The following PPP2R5C variants were observed in gnomAD, a reference collection of about 807,000 sequenced individuals.
PPP2R5C encodes protein phosphatase 2 regulatory subunit B'gamma.
In PPP2R5C, 7 loss-of-function variants were observed where a neutral mutation model predicts 68.9. That is an observed-to-expected ratio of 0.10 (90% CI 0.06 to 0.19). The LOEUF is 0.19. PPP2R5C is among the 10% of genes least tolerant of loss of function. The pLI is 1.00. For synonymous variants in PPP2R5C, 210 were observed against 222.2 expected (o/e 0.95, Z 0.49); for missense variants, 348 against 641.3 (o/e 0.54, Z 4.94).
upstream of PPP2R5C, chr14:101,760,764 A>G (rs546389044): frequency 2.0e-5 from 1 of 50,846 alleles, no homozygotes; most frequent in Non-Finnish European, 2.4e-5. Context: ...GGGCTGGTCG[A>G]GGGGAGGGGC....
rs1426146907 is a variant in PPP2R5C at position 101,888,847 on chromosome 14, C to T, written c.630-1390C>T. On this transcript the variant is annotated intron_variant, in intron 5 of 13. Coordinates refer to ENST00000334743, the Ensembl canonical transcript of PPP2R5C. The surrounding 1 kb of genome is among the most constrained non-coding windows in gnomAD (Gnocchi z 5.6). ...CCTCAGGTGATCCACCTGCTTCAGC[C>T]TCCCAAAGTGCTGGGATTACAGGCA... Among the ~76,000 whole-genome samples the T allele has an allele frequency of 1.3e-5, 2 of 152,198 alleles. No homozygotes were observed. Among genetic ancestry groups the T allele is most frequent in the Admixed American group, 1.3e-4 (2 of 15,282 alleles).
At chr14:101,912,581 G>T in intron 12 of PPP2R5C, 108 bp downstream of exon 14, 1 of 1,384,826 alleles carries the variant, frequency 7.2e-7, no homozygotes, top group South Asian at 2.0e-5. Flanking sequence ...CACTAACGTT[G>T]TATATGAAAA....
rs1278967273 is a variant in PPP2R5C at position 101,899,141 on chromosome 14, G to A, written c.853-2578G>A. Reference sequence around the variant, plus strand: ...TGTACAGTGCTCAAAAGCTTTCTGGGCACATGAAACACTTTCTCTGTTGGA... The same window carrying A: ...TGTACAGTGCTCAAAAGCTTTCTGGACACATGAAACACTTTCTCTGTTGGA... On this transcript the variant is annotated intron_variant, in intron 8 of 13. Coordinates refer to ENST00000334743, the Ensembl canonical transcript of PPP2R5C. The surrounding 1 kb of genome is among the most constrained non-coding windows in gnomAD (Gnocchi z 4.2). Among the ~76,000 whole-genome samples the A allele has an allele frequency of 6.6e-6, 1 of 152,202 alleles. No individual in the cohort carries two copies. Among genetic ancestry groups the A allele is most frequent in the Non-Finnish European group, 1.5e-5 (1 of 68,040 alleles).
At chr14:101,854,097 A>G (rs2042292825) in intron 1 of PPP2R5C, among the ~76,000 whole-genome samples, 1 of 152,204 alleles carries the variant, frequency 6.6e-6, no homozygotes, top group Admixed American at 6.5e-5. Context: ...GAATGTGAAG[A>G]GTCCTGAACG....
chr14:101,914,968 C>A (rs1246477401), intron 12 of PPP2R5C, among the ~76,000 whole-genome samples: 2 of 152,190 alleles, frequency 1.3e-5, no homozygotes, highest in Non-Finnish European at 2.9e-5. Context: ...CCATGAGCAA[C>A]CCAGGGCAGG....
In PPP2R5C at chr14:101,909,575, G is replaced by T; in HGVS notation, c.1152-14G>T. ...ATGCGTGCTCCCAGGCTCACCGTGC[G>T]GTTTTCTTTATAGGACAATACATGG... is the stretch of plus-strand genomic sequence containing the variant. On this transcript the variant is annotated splice_polypyrimidine_tract_variant and intron_variant, in intron 10 of 13. Transcript: ENST00000334743. 1.3e-6 allele frequency: 2 copies of T among 1,569,620 alleles called. No individual in the cohort carries two copies. Among genetic ancestry groups the T allele is most frequent in the South Asian group, 2.2e-5 (2 of 89,836 alleles).
chr14:101,914,094 TCAAC>T, intron 12 of PPP2R5C: 1 of 449,506 alleles, frequency 2.2e-6, no homozygotes, highest in South Asian at 1.6e-5. Context: ...TTTCTTTTTC[TCAAC>T]TTTTCCTGAA....
intron 1 of PPP2R5C, among the ~76,000 whole-genome samples, chr14:101,838,838 G>A (rs575120020): frequency 6.6e-6 from 1 of 152,304 alleles, no homozygotes; most frequent in South Asian, 2.1e-4. Context: ...GATGTCAGGA[G>A]TTTGAGACCA....
intron 1 of PPP2R5C, 97 bp from the exon 2 acceptor site, chr14:101,762,808 A>G: frequency 3.2e-6 from 3 of 937,908 alleles, no homozygotes; most frequent in Non-Finnish European, 1.7e-6. Context: ...CAGAAGCTGT[A>G]GTTGTATAAA....
In PPP2R5C at chr14:101,882,591, T is replaced by A. The variant is rs993804676; in HGVS notation, c.405+320T>A. On this transcript the variant is annotated intron_variant, in intron 3 of 13. Coordinates refer to ENST00000334743, the Ensembl canonical transcript of PPP2R5C. The surrounding 1 kb of genome is among the most constrained non-coding windows in gnomAD (Gnocchi z 4.9). ...ATCTCCCAGTTTTTGCTCCTCATATTTAATAGGTGCCTGCTGGGCCCCCAG... is the reference window on the plus strand; with the variant it reads ...ATCTCCCAGTTTTTGCTCCTCATATATAATAGGTGCCTGCTGGGCCCCCAG... 4.6e-6 allele frequency: 1 copy of A among 216,556 alleles called. No homozygotes were observed. The highest frequency in any genetic ancestry group is 2.3e-5 in the African/African-American group (1 of 43,598). The allele number at this position is 216,556 out of a possible 1,614,324, so 13.4% of individuals were successfully genotyped here.
chr14:101,797,249 C>T lies in PPP2R5C; in HGVS notation c.259+11066C>T, dbSNP rs999140095. ...GTAGCACGTGCCAGACCCTCGCTCC[C>T]GTCGAAGGCTGATGCCATCCTTCAG... On this transcript the variant is annotated intron_variant, in intron 3 of 14. Coordinates refer to the PPP2R5C transcript ENST00000328724. The surrounding 1 kb of genome is among the most constrained non-coding windows in gnomAD (Gnocchi z 4.2). 9 of 455,970 alleles carry T rather than the reference C, an allele frequency of 2.0e-5. No homozygotes were observed. Among genetic ancestry groups the T allele is most frequent in the Middle Eastern group, 3.2e-4 (1 of 3,094 alleles). 28.2% of individuals were successfully genotyped at this position (455,970 alleles called of 1,614,324 possible). A position where few individuals can be genotyped will look rare whatever the true frequency, so the allele number is the denominator to read the frequency against.
chr14:101,808,587 A>T (rs901784732), upstream of PPP2R5C, among the ~76,000 whole-genome samples: 2 of 152,238 alleles, frequency 1.3e-5, no homozygotes, highest in African/African-American at 2.4e-5. Context: ...CATTGAATGT[A>T]TCTGGCGCTA....
chr14:101,869,430 C>G (rs1438649583), intron 2 of PPP2R5C, among the ~76,000 whole-genome samples: 1 of 152,106 alleles, frequency 6.6e-6, no homozygotes, highest in Non-Finnish European at 1.5e-5. Context: ...TTTTATTTAA[C>G]TTGGGTAAAC....
At position 101,825,419 on chromosome 14, in the gene PPP2R5C, G is replaced by C. The variant is rs2040339878; in HGVS notation, c.94+15383G>C. ...AACAGTTTTGAAAGGCCAAGATCAT[G>C]GGTTTAAGATTTGAGACTTGGCCAA... On this transcript the variant is annotated intron_variant, in intron 1 of 13. Coordinates refer to ENST00000334743, the Ensembl canonical transcript of PPP2R5C. The surrounding 1 kb of genome is among the most constrained non-coding windows in gnomAD (Gnocchi z 4.0). Among the ~76,000 whole-genome samples, 1 of 152,184 alleles carries C rather than the reference G, an allele frequency of 6.6e-6. No individual in the cohort carries two copies.
chr14:101,833,660 C>G (rs1464800693), intron 1 of PPP2R5C, among the ~76,000 whole-genome samples: 1 of 152,164 alleles, frequency 6.6e-6, no homozygotes, highest in Non-Finnish European at 1.5e-5. Context: ...TTGACTTCCA[C>G]CACCCCCAGC....
upstream of PPP2R5C, among the ~76,000 whole-genome samples, chr14:101,807,546 T>TG (rs897662990): frequency 3.3e-5 from 5 of 152,170 alleles, no homozygotes; most frequent in African/African-American, 4.8e-5. Flanking sequence ...TAGATCAGTT[T>TG]GGGGGGAAAT....
At chr14:101,762,026 C>G (rs2036569536) in intron 1 of PPP2R5C, 106 bp downstream of exon 1, 1 of 1,078,190 alleles carries the variant, frequency 9.3e-7, no homozygotes, top group African/African-American at 1.7e-5. Flanking sequence ...AGTTCCCCGC[C>G]TGACGCCGCG....
chr14:101,761,186 G>A (rs932505624), upstream of PPP2R5C, among the ~76,000 whole-genome samples: 6 of 152,180 alleles, frequency 3.9e-5, no homozygotes, highest in Admixed American at 2.0e-4. Flanking sequence ...AGCGTGCCAG[G>A]CACTCTTGAC....
chr14:101,909,872 A>G (rs1249310295), intron 11 of PPP2R5C, among the ~76,000 whole-genome samples, 182 bp downstream of exon 13: 1 of 152,222 alleles, frequency 6.6e-6, no homozygotes, highest in African/African-American at 2.4e-5. Flanking sequence ...CAGGTGTTTA[A>G]AGGTAGCTAT....
Sources: gnomAD v4.1 joint callset for allele counts (sites outside exome capture counted in the v4.1 genomes callset) on GRCh38, gnomAD v4.1.1 for gene constraint, Gnocchi (gnomAD v3.1) non-coding constraint, MANE v1.5 for transcripts, NCBI Gene and HGNC (gene_info 2026-07-23, HGNC 2026-07-21) for gene names.